NEGR1: variants seen among roughly 807,000 people sequenced by gnomAD.
NEGR1 encodes the protein neuronal growth regulator 1.
NEGR1 carries 10 observed loss-of-function variants against 40.9 expected under a neutral mutation model. The ratio of observed to expected loss-of-function variants is 0.24; its 90% CI spans 0.15 to 0.42. The LOEUF is 0.42. Among genes scored for constraint, NEGR1 ranks in the 10% least tolerant of loss-of-function variants. The pLI is 1.00. For missense variants in NEGR1, 352 were observed against 438.9 expected (o/e 0.80, Z 1.77); for synonymous variants, 185 against 166.8 (o/e 1.11, Z -0.84).
chr1:72,281,593 TA>T (rs561086622), intron 1 of NEGR1, among the ~76,000 whole-genome samples: 24 of 137,058 alleles, frequency 1.8e-4, no homozygotes, highest in East Asian at 6.4e-4. Flanking sequence ...TAAGGAGGAA[TA>T]AAAAAAATAG....
At chr1:72,018,015 T>C (rs1410735513) in intron 1 of NEGR1, among the ~76,000 whole-genome samples, 6 of 152,188 alleles carry the variant, frequency 3.9e-5, no homozygotes, top group Non-Finnish European at 5.9e-5. Context: ...TATTTCAATC[T>C]TGATTTCCAA....
At chr1:71,511,746 C>T (rs72936181) in intron 6 of NEGR1, among the ~76,000 whole-genome samples, 1 of 152,124 alleles carries the variant, frequency 6.6e-6, no homozygotes, top group East Asian at 1.9e-4. Context: ...CACAAAGTAT[C>T]AGCAGCTGTA....
intron 1 of NEGR1, among the ~76,000 whole-genome samples, chr1:72,001,514 A>G (rs1028266587): frequency 2.6e-5 from 4 of 151,650 alleles, no homozygotes; most frequent in African/African-American, 9.7e-5. Flanking sequence ...CTATAATCAT[A>G]AGATCCTGGC....
chr1:71,596,091 G>C (rs1440771109), intron 5 of NEGR1, among the ~76,000 whole-genome samples: 1 of 148,732 alleles, frequency 6.7e-6, no homozygotes. Context: ...AGAGCTCGGA[G>C]TTAAATATGA....
intron 1 of NEGR1, among the ~76,000 whole-genome samples, chr1:71,949,558 A>G (rs1646050929): frequency 6.6e-6 from 1 of 152,188 alleles, no homozygotes; most frequent in South Asian, 2.1e-4. Context: ...AAAAGAAAAG[A>G]TGACATATTC....
chr1:72,125,243 T>G (rs1173840770), intron 1 of NEGR1, among the ~76,000 whole-genome samples: 1 of 152,068 alleles, frequency 6.6e-6, no homozygotes, highest in Non-Finnish European at 1.5e-5. Flanking sequence ...GCTTCAATCT[T>G]ACTGAGAAAA....
intron 2 of NEGR1, among the ~76,000 whole-genome samples, chr1:71,920,749 C>A (rs1273138656): frequency 6.6e-6 from 1 of 152,194 alleles, no homozygotes; most frequent in African/African-American, 2.4e-5. Flanking sequence ...GCACAAATTG[C>A]TCTTCACTAG....
In NEGR1 at chr1:71,479,099, TC is replaced by T. The variant is rs551181001; in HGVS notation, c.941-71530del. On this transcript the variant is annotated intron_variant, in intron 6 of 6. Transcript: ENST00000357731. The stretch of plus-strand genomic sequence containing the variant: ...TTACTTTATTAATAAAATGTTTTTT[TC>T]CATATGAAATAGGCAGAAATGAACA... 1.2e-4 allele frequency among the ~76,000 whole-genome samples: 19 copies of T among 152,162 alleles called. No homozygotes were observed. In the East Asian group the frequency reaches 1.4e-3, roughly 11 times the overall value.
chr1:72,010,617 C>A (rs1266951828), intron 1 of NEGR1, among the ~76,000 whole-genome samples: 2 of 151,810 alleles, frequency 1.3e-5, no homozygotes, highest in African/African-American at 2.4e-5. Flanking sequence ...CCCCCCAACC[C>A]CTTTCTCCAC....
intron 1 of NEGR1, among the ~76,000 whole-genome samples, chr1:72,110,254 A>G (rs1299018909): frequency 1.3e-5 from 2 of 148,380 alleles, no homozygotes; most frequent in African/African-American, 2.5e-5. Flanking sequence ...AATTGTGTGT[A>G]TAAAAATTAT....
At chr1:72,070,121 T>C (rs1339139403) in intron 1 of NEGR1, among the ~76,000 whole-genome samples, 1 of 152,032 alleles carries the variant, frequency 6.6e-6, no homozygotes. Context: ...AAAATAAAAA[T>C]GTATTTAATA....
chr1:71,569,527 A>G (rs1471645938), intron 6 of NEGR1, among the ~76,000 whole-genome samples: 1 of 152,202 alleles, frequency 6.6e-6, no homozygotes, highest in Non-Finnish European at 1.5e-5. Flanking sequence ...CTCTTCTGTA[A>G]AAATATCCTT....
At chr1:72,077,618 T>C (rs1006404044) in intron 1 of NEGR1, among the ~76,000 whole-genome samples, 1 of 150,132 alleles carries the variant, frequency 6.7e-6, no homozygotes, top group Non-Finnish European at 1.5e-5. Context: ...ACTGAAACTC[T>C]GTCTCTACAA....
chr1:72,183,550 A>G (rs537712728), intron 1 of NEGR1, among the ~76,000 whole-genome samples: 2 of 152,228 alleles, frequency 1.3e-5, no homozygotes, highest in Non-Finnish European at 2.9e-5. Flanking sequence ...ATCAAATTCT[A>G]TATTGATAAC....
intron 4 of NEGR1, among the ~76,000 whole-genome samples, chr1:71,633,834 G>T (rs368714551): frequency 2.6e-5 from 4 of 152,060 alleles, no homozygotes; most frequent in Non-Finnish European, 4.4e-5. Flanking sequence ...ACAAAAGCAC[G>T]CAGCCCATGT....
chr1:71,499,478 A>G (rs1646985580), intron 6 of NEGR1, among the ~76,000 whole-genome samples: 1 of 148,002 alleles, frequency 6.8e-6, no homozygotes, highest in Admixed American at 6.8e-5. Context: ...TATATTGTAT[A>G]TAATATGTAT....
intron 6 of NEGR1, among the ~76,000 whole-genome samples, chr1:71,505,015 A>C (rs1266296109): frequency 6.6e-6 from 1 of 152,154 alleles, no homozygotes; most frequent in African/African-American, 2.4e-5. Flanking sequence ...TCACACCCTT[A>C]CAGATTAAAC....
At chr1:71,692,122 C>T (rs539541718) in intron 4 of NEGR1, among the ~76,000 whole-genome samples, 18 of 151,558 alleles carry the variant, frequency 1.2e-4, no homozygotes, top group African/African-American at 4.3e-4. Context: ...GGCTGTAGCA[C>T]CTTGATTCTC....
rs142095346 is a variant in NEGR1 at position 71,737,935 on chromosome 1, T to C, written c.535+38237A>G. Among the ~76,000 whole-genome samples the C allele has an allele frequency of 1.8e-3, 273 of 152,270 alleles. 2 individuals are homozygous for C. The highest frequency in any genetic ancestry group is 6.4e-3 in the African/African-American group (266 of 41,566). On this transcript the variant is annotated intron_variant, in intron 3 of 6. Transcript: ENST00000357731. ...GAATTACAGTCGGTTTAGGCAACTGTGTCTCTTCCCAGAGCCAGCACCTGC... is the reference window on the plus strand; with the variant it reads ...GAATTACAGTCGGTTTAGGCAACTGCGTCTCTTCCCAGAGCCAGCACCTGC...
Sources: allele counts gnomAD v4.1 joint callset (sites outside exome capture counted in the v4.1 genomes callset), GRCh38; gene constraint gnomAD v4.1.1; transcripts MANE v1.5; gene names NCBI Gene and HGNC (gene_info 2026-07-23, HGNC 2026-07-21).